The following SGCD variants were observed in gnomAD, a reference collection of about 807,000 sequenced individuals.
SGCD encodes the protein delta-sarcoglycan.
A neutral mutation model predicts 36.6 loss-of-function variants in SGCD; 18 were observed. The ratio of observed to expected loss-of-function variants is 0.49; its 90% CI spans 0.34 to 0.73. The LOEUF is 0.73. Among genes scored for constraint, SGCD ranks in the 30% least tolerant of loss-of-function variants. SGCD has a pLI of 0.01. For missense variants in SGCD, 387 were observed against 346.7 expected (o/e 1.12, Z -0.92); for synonymous variants, 133 against 130.6 (o/e 1.02, Z -0.12).
chr5:156,026,719 G>A (rs987548654), intron 1 of SGCD, among the ~76,000 whole-genome samples: 17 of 152,180 alleles, frequency 1.1e-4, no homozygotes, highest in South Asian at 4.1e-4. Flanking sequence ...TTCTAGTCAC[G>A]TTCCCCAGGT....
At chr5:155,933,033 G>T (rs1250710654) in intron 1 of SGCD, among the ~76,000 whole-genome samples, 1 of 152,158 alleles carries the variant, frequency 6.6e-6, no homozygotes, top group Non-Finnish European at 1.5e-5. Context: ...AAACCAAGAG[G>T]GTTAGTATGT....
At chr5:156,434,875 G>A (rs2127790539) in intron 3 of SGCD, among the ~76,000 whole-genome samples, 1 of 152,328 alleles carries the variant, frequency 6.6e-6, no homozygotes, top group South Asian at 2.1e-4. Flanking sequence ...GAGAGCTGGA[G>A]GAGAAAATTG....
At chr5:155,835,928 C>T in the SGCD span, among the ~76,000 whole-genome samples, 1 of 152,114 alleles carries the variant, frequency 6.6e-6, no homozygotes, top group African/African-American at 2.4e-5. Flanking sequence ...CCAGGGTATC[C>T]ACTCTTATAG....
intron 1 of SGCD, among the ~76,000 whole-genome samples, chr5:156,117,252 T>A (rs1761927021): frequency 6.6e-6 from 1 of 152,076 alleles, no homozygotes; most frequent in African/African-American, 2.4e-5. Flanking sequence ...ATTACTATTT[T>A]TTTCATCCTC....
chr5:156,239,399 C>CAAAAAAAAA lies in SGCD; in HGVS notation c.-43-90121_-43-90113dup, dbSNP rs34839655. Among the ~76,000 whole-genome samples the CAAAAAAAAA allele has an allele frequency of 5.5e-5, 4 of 72,626 alleles. 1 individual carries two copies. The highest frequency in any genetic ancestry group is 1.8e-4 in the Admixed American group (1 of 5,606). 47.6% of individuals were successfully genotyped at this position (72,626 alleles called of 152,430 possible). A position where few individuals can be genotyped will look rare whatever the true frequency, so the allele number is the denominator to read the frequency against. On this transcript the variant is annotated intron_variant, in intron 3 of 9. Transcript: ENST00000517913. ...TGGGCCACAGAGGAAGATTTCATCTCAAAAAAAAAAAAAAAAAAAAAATTA... is the reference window on the plus strand; with the variant it reads ...TGGGCCACAGAGGAAGATTTCATCTCAAAAAAAAAAAAAAAAAAAAAAAAAAAAAAATTA...
At chr5:156,033,747 A>G (rs756319792) in intron 1 of SGCD, among the ~76,000 whole-genome samples, 1 of 152,190 alleles carries the variant, frequency 6.6e-6, no homozygotes, top group Non-Finnish European at 1.5e-5. Context: ...AGGGCATACT[A>G]TGTGCAATGA....
intron 4 of SGCD, among the ~76,000 whole-genome samples, chr5:156,546,711 T>C (rs1758588928): frequency 6.6e-6 from 1 of 152,172 alleles, no homozygotes. Context: ...TATGATCTTG[T>C]CAGGTAGGAA....
chr5:156,342,257 A>G (rs773722922), intron 2 of SGCD, among the ~76,000 whole-genome samples: 2 of 152,230 alleles, frequency 1.3e-5, no homozygotes, highest in Non-Finnish European at 2.9e-5. Flanking sequence ...AGAAAAGGCA[A>G]CTGATATAGT....
chr5:156,122,503 A>C (rs1762065865), intron 2 of SGCD, among the ~76,000 whole-genome samples: 1 of 152,092 alleles, frequency 6.6e-6, no homozygotes, highest in East Asian at 1.9e-4. Flanking sequence ...AGTGAGGAGA[A>C]AAGTTTCCCA....
chr5:155,754,166 G>A, the SGCD span, among the ~76,000 whole-genome samples: 1 of 152,156 alleles, frequency 6.6e-6, no homozygotes, highest in African/African-American at 2.4e-5. Flanking sequence ...GACCTGGCAG[G>A]GACCTGTGAC....
chr5:156,248,125 G>A (rs932023620), intron 3 of SGCD, among the ~76,000 whole-genome samples: 1 of 152,192 alleles, frequency 6.6e-6, no homozygotes, highest in African/African-American at 2.4e-5. Context: ...ATGTATGTGT[G>A]TGTGTGACAG....
chr5:156,312,228 AT>A (rs1767408385), intron 3 of SGCD, among the ~76,000 whole-genome samples: 1 of 152,256 alleles, frequency 6.6e-6, no homozygotes, highest in African/African-American at 2.4e-5. Context: ...CAGAAAGGAA[AT>A]TTTTTGGTCC....
At chr5:156,048,151 C>T (rs1315561662) in intron 1 of SGCD, among the ~76,000 whole-genome samples, 1 of 152,166 alleles carries the variant, frequency 6.6e-6, no homozygotes, top group Non-Finnish European at 1.5e-5. Context: ...AGGACATGAA[C>T]TCATCATTTT....
At chr5:155,880,001 CA>C (rs1755848427) in intron 1 of SGCD, among the ~76,000 whole-genome samples, 1 of 152,108 alleles carries the variant, frequency 6.6e-6, no homozygotes. Flanking sequence ...GGGAGTTTTG[CA>C]GTAAATCATC....
chr5:155,895,358 T>C (rs1341960649), intron 1 of SGCD, among the ~76,000 whole-genome samples: 1 of 152,226 alleles, frequency 6.6e-6, no homozygotes, highest in Non-Finnish European at 1.5e-5. Flanking sequence ...AGCAAAAGTT[T>C]CTTTCATTCT....
At chr5:155,747,342 T>C in the SGCD span, among the ~76,000 whole-genome samples, 1 of 152,164 alleles carries the variant, frequency 6.6e-6, no homozygotes, top group Non-Finnish European at 1.5e-5. Flanking sequence ...TGCCCTTTAA[T>C]TGTGGAAGTG....
At chr5:156,406,930 G>GTT (rs1772463219) in intron 3 of SGCD, among the ~76,000 whole-genome samples, 1 of 150,016 alleles carries the variant, frequency 6.7e-6, no homozygotes, top group Non-Finnish European at 1.5e-5. Context: ...CTTGAGGAGT[G>GTT]AGGAGAGCCA....
intron 3 of SGCD, among the ~76,000 whole-genome samples, chr5:156,228,735 T>G (rs1029312141): frequency 4.7e-5 from 7 of 147,920 alleles, no homozygotes; most frequent in African/African-American, 1.9e-4. Flanking sequence ...ATTCTATTTT[T>G]TGTTTCATAG....
intron 6 of SGCD, among the ~76,000 whole-genome samples, chr5:156,632,393 G>A (rs992209826): frequency 2.0e-5 from 3 of 152,178 alleles, no homozygotes; most frequent in African/African-American, 7.2e-5. Flanking sequence ...AATAGGCAGA[G>A]ACATTGTAAC....
Sources: allele counts gnomAD v4.1 joint callset (sites outside exome capture counted in the v4.1 genomes callset), GRCh38; gene constraint gnomAD v4.1.1; transcripts MANE v1.5; gene names NCBI Gene and HGNC (gene_info 2026-07-23, HGNC 2026-07-21).